ZFAT: variants seen among roughly 807,000 people sequenced by gnomAD.
ZFAT encodes zinc finger and AT-hook domain containing, also known as zinc finger protein ZFAT.
Under a neutral mutation model 117.7 loss-of-function variants are expected in ZFAT, and 64 were observed. The ratio of observed to expected loss-of-function variants is 0.54; its 90% CI spans 0.44 to 0.67. The LOEUF (loss-of-function observed/expected upper bound fraction) is 0.67, where lower values mean the gene tolerates loss of function less well. Ranked by LOEUF, ZFAT falls within the 30% of genes least tolerant of loss-of-function variation. The pLI, the probability that ZFAT is intolerant of heterozygous loss-of-function variation, is 0.00. For missense variants in ZFAT, 1,433 were observed against 1,584.5 expected, an observed-to-expected ratio of 0.90 and a Z score of 1.62; for synonymous variants, 679 against 615.0, an observed-to-expected ratio of 1.10 and a Z score of -1.54.
intron 3 of ZFAT, among the ~76,000 whole-genome samples, chr8:134,633,672 C>T (rs1830030629): frequency 6.6e-6 from 1 of 152,232 alleles, no homozygotes; most frequent in Non-Finnish European, 1.5e-5. Context: ...AGCTCCACCA[C>T]ATATGGGCTG....
At chr8:134,577,240 T>C (rs1825378952) in intron 10 of ZFAT, among the ~76,000 whole-genome samples, 1 of 152,250 alleles carries the variant, frequency 6.6e-6, no homozygotes, top group East Asian at 1.9e-4. Context: ...CTTTTTTAAC[T>C]GAAACCTTCA....
At chr8:134,714,352 C>G (rs1814166261), upstream of ZFAT, among the ~76,000 whole-genome samples, 1 of 152,172 alleles carries the variant, frequency 6.6e-6, no homozygotes, top group African/African-American at 2.4e-5. Flanking sequence ...GTTTGCACAG[C>G]GTTCATCCTC....
At chr8:134,487,453 G>A (rs10113404) in intron 15 of ZFAT, among the ~76,000 whole-genome samples, 26,249 of 152,084 alleles carry the variant, frequency 0.17, 2,436 homozygotes, top group Admixed American at 0.26. Context: ...TCAGAGAGTC[G>A]ATGTGAGCCC....
chr8:134,687,857 G>A (rs1042848116), intron 1 of ZFAT, among the ~76,000 whole-genome samples: 10 of 152,180 alleles, frequency 6.6e-5, no homozygotes, highest in East Asian at 1.9e-4. Flanking sequence ...GTTGGTCTGC[G>A]TTGCTTTAGT....
the ZFAT span, among the ~76,000 whole-genome samples, chr8:134,810,865 A>C: frequency 6.6e-6 from 1 of 152,198 alleles, no homozygotes; most frequent in Non-Finnish European, 1.5e-5. Context: ...TAGTCTGCTG[A>C]CCATGAGGGG....
rs556250178 is a variant in ZFAT, at chr8:134,676,689, A to C, written c.20-18952T>G. On this transcript the variant is annotated intron_variant, in intron 1 of 15. Transcript: ENST00000377838. ...CACTTATTCTAAAATTGACCACATA[A>C]TTGGAAGTAAAACACTCCTCAGCAA... Among the ~76,000 whole-genome samples, 3 of 152,268 alleles carry C rather than the reference A, an allele frequency of 2.0e-5. No homozygotes were observed. In the East Asian group the frequency reaches 5.8e-4, roughly 29 times the overall value.
In ZFAT at chr8:134,561,938, C is replaced by T. The variant is rs977014433; in HGVS notation, c.2976+3395G>A. Among the ~76,000 whole-genome samples the T allele has an allele frequency of 7.9e-5, 12 of 152,230 alleles. No homozygotes were observed. In the East Asian group the frequency reaches 1.9e-3, roughly 24 times the overall value. On this transcript the variant is annotated intron_variant, in intron 11 of 15. Transcript: ENST00000377838. The stretch of plus-strand genomic sequence containing the variant: ...TTAAAAAAGTCCATGTCCTAATCCC[C>T]GGAACCCGTAAATATGTTACCTTGC...
intron 10 of ZFAT, among the ~76,000 whole-genome samples, chr8:134,566,076 A>C (rs773738058): frequency 2.0e-5 from 3 of 151,788 alleles, no homozygotes; most frequent in Non-Finnish European, 4.4e-5. Flanking sequence ...AAACTAGGGA[A>C]AAGTAAACCA....
the ZFAT span, among the ~76,000 whole-genome samples, chr8:134,762,125 G>A: frequency 1.4e-4 from 21 of 152,216 alleles, no homozygotes; most frequent in East Asian, 4.1e-3. Context: ...AGTAAGTCAT[G>A]AGCTAAGTCC....
the ZFAT span, among the ~76,000 whole-genome samples, chr8:134,783,109 T>C: frequency 6.6e-6 from 1 of 152,228 alleles, no homozygotes; most frequent in South Asian, 2.1e-4. Context: ...ATACACTATA[T>C]CAACCTTCTG....
At chr8:134,676,810 T>C (rs200985195) in intron 1 of ZFAT, among the ~76,000 whole-genome samples, 1 of 152,034 alleles carries the variant, frequency 6.6e-6, no homozygotes, top group Non-Finnish European at 1.5e-5. Flanking sequence ...AACCGCTCAA[T>C]TACATGGGAA....
chr8:134,767,298 A>G, the ZFAT span: 202 of 152,330 alleles, frequency 1.3e-3, no homozygotes, highest in African/African-American at 4.4e-3. Flanking sequence ...GTGGATTTAC[A>G]TATTTCGCCT....
chr8:134,552,938 C>T (rs144379405), intron 11 of ZFAT, among the ~76,000 whole-genome samples: 112 of 152,334 alleles, frequency 7.4e-4, no homozygotes, highest in African/African-American at 2.5e-3. Context: ...TCTTGGTGCA[C>T]TTGGAGCTTC....
At chr8:134,479,706 T>C (rs977455481) in intron 15 of ZFAT, among the ~76,000 whole-genome samples, 5 of 152,162 alleles carry the variant, frequency 3.3e-5, no homozygotes. Flanking sequence ...TGAGTCTGAA[T>C]GGCAAGGTGG....
intron 5 of ZFAT, among the ~76,000 whole-genome samples, chr8:134,605,665 T>C (rs73365393): frequency 0.065 from 9,847 of 152,188 alleles, 1,092 homozygotes; most frequent in African/African-American, 0.22. Context: ...AAAATTCAGA[T>C]GATGGTGCTC....
At chr8:134,735,704 A>G in the ZFAT span, among the ~76,000 whole-genome samples, 1 of 152,202 alleles carries the variant, frequency 6.6e-6, no homozygotes, top group African/African-American at 2.4e-5. Flanking sequence ...TTTTTGTTAT[A>G]AAATGAAATT....
intron 5 of ZFAT, among the ~76,000 whole-genome samples, chr8:134,605,671 T>C (rs1024022308): frequency 1.3e-5 from 2 of 152,206 alleles, no homozygotes; most frequent in Admixed American, 1.3e-4. Context: ...CAGATGATGG[T>C]GCTCATGGCT....
rs560187730 is a variant in ZFAT, at chr8:134,489,994, C to T, written c.3493-11273G>A. 1.9e-4 allele frequency among the ~76,000 whole-genome samples: 29 copies of T among 152,278 alleles called. No homozygotes were observed. The South Asian group carries it at 2.3e-3, about 12-fold the overall frequency. On this transcript the variant is annotated intron_variant, in intron 15 of 15. Transcript: ENST00000377838. ...CACACACTCCACGTCCAAAGCATTG[C>T]GGGATCTGTCAGCTCCACTGTGAAA...
At chr8:134,547,810 G>T (rs1341962698) in intron 11 of ZFAT, among the ~76,000 whole-genome samples, 1 of 152,230 alleles carries the variant, frequency 6.6e-6, no homozygotes, top group East Asian at 1.9e-4. Context: ...ATCCTCCAGG[G>T]CCTGGCTCAC....
Sources: gnomAD v4.1 joint callset for allele counts (sites outside exome capture counted in the v4.1 genomes callset) on GRCh38, gnomAD v4.1.1 for gene constraint, MANE v1.5 for transcripts, NCBI Gene and HGNC (gene_info 2026-07-23, HGNC 2026-07-21) for gene names.